Variants in ACTN2 observed in about 807,000 individuals in gnomAD.
The protein encoded by ACTN2 is actinin alpha 2, also known as alpha-actinin-2.
In ACTN2, 39 loss-of-function variants were observed where a neutral mutation model predicts 113.8. The observed-to-expected ratio is 0.34, with a 90% confidence interval of 0.27 to 0.45. The LOEUF (loss-of-function observed/expected upper bound fraction) is 0.45, where lower values mean the gene tolerates loss of function less well. Ranked by LOEUF, ACTN2 falls within the 20% of genes least tolerant of loss-of-function variation. The pLI, the probability that ACTN2 is intolerant of heterozygous loss-of-function variation, is 1.00. For synonymous variants in ACTN2, 429 were observed against 444.1 expected, an observed-to-expected ratio of 0.97 and a Z score of 0.43; for missense variants, 992 against 1,177.9, an observed-to-expected ratio of 0.84 and a Z score of 2.31.
rs950630667 is a variant in ACTN2 at position 236,763,811 on chromosome 1, A to G, written c.*1192A>G. On this transcript the variant is annotated 3_prime_UTR_variant, in exon 21 of 21. Transcript: ENST00000366578. ...CCTGCTCCATGACACAGGATGCTAC[A>G]TGCACTCCTGCTAGCACATCTTGAT... 1.3e-5 allele frequency: 2 copies of G among 152,246 alleles called. No individual in the cohort carries two copies. 9.4% of individuals were successfully genotyped at this position (152,246 alleles called of 1,614,324 possible). A position where few individuals can be genotyped will look rare whatever the true frequency, so the allele number is the denominator to read the frequency against.
chr1:236,751,144 G>A (rs536133861), intron 14 of ACTN2, among the ~76,000 whole-genome samples: 64 of 145,536 alleles, frequency 4.4e-4, no homozygotes, highest in East Asian at 6.0e-4. Flanking sequence ...AGTTCTGCTC[G>A]TCAGCAGAAA....
chr1:236,742,185 T>G (rs1042939332), intron 10 of ACTN2, among the ~76,000 whole-genome samples: 7 of 151,646 alleles, frequency 4.6e-5, no homozygotes, highest in Non-Finnish European at 8.8e-5. Flanking sequence ...TTGACCCTGC[T>G]TTTTTTTTCC....
At position 236,717,774 on chromosome 1, in the gene ACTN2, G is replaced by A. The variant is rs571894194; in HGVS notation, c.127-84G>A. 6.6e-5 allele frequency: 60 copies of A among 907,508 alleles called. No homozygotes were observed. The East Asian group carries it at 1.4e-3, about 21-fold the overall frequency. The allele number at this position is 907,508 out of a possible 1,614,324, so 56.2% of individuals were successfully genotyped here. Reference sequence around the variant, plus strand: ...CCCAGCCTTGTAGATTCCCAAGAACGTGTAAGGTGTCAAGTGTCGTCTGTG... The same window carrying A: ...CCCAGCCTTGTAGATTCCCAAGAACATGTAAGGTGTCAAGTGTCGTCTGTG... On this transcript the variant is annotated intron_variant, in intron 1 of 20. Coordinates refer to ENST00000366578, the MANE Select transcript of ACTN2 (RefSeq NM_001103.4).
chr1:236,702,495 G>A (rs756391027), intron 1 of ACTN2, among the ~76,000 whole-genome samples: 3 of 152,096 alleles, frequency 2.0e-5, no homozygotes, highest in East Asian at 1.9e-4. Context: ...ACATTTTGCC[G>A]AGTGCCTACT....
Position 236,686,635 on chromosome 1 carries a change from C to A in ACTN2, c.-39C>A. 6.5e-7 allele frequency: 1 copy of A among 1,531,010 alleles called. No individual in the cohort carries two copies. The highest frequency in any genetic ancestry group is 8.8e-7 in the Non-Finnish European group (1 of 1,138,588). 94.8% of individuals were successfully genotyped at this position (1,531,010 alleles called of 1,614,324 possible). On this transcript the variant is annotated 5_prime_UTR_variant, in exon 1 of 21. Coordinates refer to ENST00000366578, the MANE Select transcript of ACTN2 (RefSeq NM_001103.4). ...TTGCCAGTCAGCCCGTGCGTCCGAG[C>A]CCCTCGCGCCCCGCCGCAGCCCCGG...
intron 4 of ACTN2, among the ~76,000 whole-genome samples, chr1:236,721,262 G>A (rs918229573): frequency 3.3e-5 from 5 of 151,670 alleles, no homozygotes; most frequent in East Asian, 1.9e-4. Context: ...TCCTGAGCTC[G>A]TGATCCGCCC....
chr1:236,743,097 C>A, intron 11 of ACTN2, 54 bp downstream of exon 11: 1 of 1,603,046 alleles, frequency 6.2e-7, no homozygotes, highest in Non-Finnish European at 8.5e-7. Flanking sequence ...TGAGCCATGC[C>A]CAGAGCCATG....
chr1:236,726,725 T>G (rs955578034), intron 5 of ACTN2, among the ~76,000 whole-genome samples: 2 of 152,188 alleles, frequency 1.3e-5, no homozygotes, highest in African/African-American at 2.4e-5. Flanking sequence ...GTTCTTCTAG[T>G]TGAACAAATA....
intron 15 of ACTN2, 111 bp from the exon 16 acceptor site, chr1:236,753,836 T>C: frequency 9.3e-7 from 1 of 1,079,872 alleles, no homozygotes; most frequent in South Asian, 1.2e-5. Context: ...CCTCCCTTCG[T>C]TTCTCCTTCT....
In ACTN2 at chr1:236,742,957, TC is replaced by T; in HGVS notation, c.1170del (p.Asn391MetfsTer44). 6.2e-7 allele frequency: 1 copy of T among 1,614,026 alleles called. No individual in the cohort carries two copies. Among genetic ancestry groups the T allele is most frequent in the East Asian group, 2.2e-5 (1 of 44,886 alleles). ...QAEKGYEEWLLNEIRRLERLE... is the reference protein window; with the variant it reads ...QAEKGYEEWLXNEIRRLERLE... ...GAGAAGGGTTACGAGGAGTGGTTGC[TC>T]AATGAGATTCGGAGACTGGAGCGCT... On this transcript the variant is annotated frameshift_variant, in exon 11 of 21. Coordinates refer to ENST00000366578, the MANE Select transcript of ACTN2 (RefSeq NM_001103.4). LOFTEE classifies it high-confidence loss of function.
chr1:236,739,608 A>C (rs1659007362), intron 10 of ACTN2, 76 bp downstream of exon 10: 2 of 1,516,676 alleles, frequency 1.3e-6, no homozygotes, highest in African/African-American at 1.4e-5. Flanking sequence ...GACCTGGGTC[A>C]GGAGGAGGCA....
At chr1:236,744,517 C>T in intron 11 of ACTN2, 109 bp from the exon 12 acceptor site, 1 of 1,337,310 alleles carries the variant, frequency 7.5e-7, no homozygotes, top group Non-Finnish European at 1.1e-6. Context: ...CCCTCTCTGT[C>T]CCCTTCTCTT....
At chr1:236,724,345 C>T (rs1481567956) in intron 4 of ACTN2, among the ~76,000 whole-genome samples, 1 of 152,194 alleles carries the variant, frequency 6.6e-6, no homozygotes, top group Non-Finnish European at 1.5e-5. Flanking sequence ...GGGTCTAGGG[C>T]TTCAACATAT....
chr1:236,734,988 G>A (rs1399465941), intron 7 of ACTN2, among the ~76,000 whole-genome samples: 2 of 152,192 alleles, frequency 1.3e-5, no homozygotes, highest in African/African-American at 2.4e-5. Context: ...AGAAATAGTA[G>A]CGAGTCTTAA....
At chr1:236,730,463 G>A (rs752306068) in intron 6 of ACTN2, among the ~76,000 whole-genome samples, 23 of 152,000 alleles carry the variant, frequency 1.5e-4, no homozygotes, top group South Asian at 2.1e-4. Flanking sequence ...ATTAAAATTC[G>A]TTAAAGTCAC....
intron 1 of ACTN2, among the ~76,000 whole-genome samples, chr1:236,693,379 C>A (rs1202452238): frequency 6.6e-6 from 1 of 152,146 alleles, no homozygotes; most frequent in African/African-American, 2.4e-5. Flanking sequence ...CACCATGGCC[C>A]TTAAGGAGCT....
rs368659167 is a variant in ACTN2, at chr1:236,693,923, T to C, written c.126+7124T>C. Reference sequence around the variant, plus strand: ...GGCCAGGCCTGAACTAGCCCCATCGTCTGTTCATTCACCACCCCAGTATCC... The same window carrying C: ...GGCCAGGCCTGAACTAGCCCCATCGCCTGTTCATTCACCACCCCAGTATCC... On this transcript the variant is annotated intron_variant, in intron 1 of 20. Coordinates refer to ENST00000366578, the MANE Select transcript of ACTN2 (RefSeq NM_001103.4). 9.2e-5 allele frequency among the ~76,000 whole-genome samples: 14 copies of C among 152,348 alleles called. No individual in the cohort carries two copies. In the East Asian group the frequency reaches 1.5e-3, roughly 17 times the overall value.
At position 236,755,191 on chromosome 1, in the gene ACTN2, C is replaced by G. The variant is rs193922635; in HGVS notation, c.2147C>G (p.Thr716Arg). The change falls in exon 17 of 21, where the codon ACG becomes AGG. Residue 716 changes from threonine to arginine, a missense_variant. By Grantham distance (71) the Thr-to-Arg change is moderately conservative. Around this residue, in one of 3 missense-constraint regions of ACTN2, gnomAD observed 736 missense variants for 815.4 expected, o/e 0.90. Coordinates refer to ENST00000366578, the MANE Select transcript of ACTN2 (RefSeq NM_001103.4). ...TTTGACAACAAGCACACGAACTACA[C>G]GATGGAGGTACGGCAGCCAGACAGG... Reference protein sequence around the residue: ...LVFDNKHTNYTMEHIRVGWEL... With the variant: ...LVFDNKHTNYRMEHIRVGWEL... The G allele has an allele frequency of 6.2e-7, 1 of 1,614,152 alleles. No individual in the cohort carries two copies. The highest frequency in any genetic ancestry group is 1.1e-5 in the South Asian group (1 of 91,076).
At chr1:236,757,356 G>A (rs1659579455) in intron 17 of ACTN2, 130 bp from the exon 18 acceptor site, 1 of 1,192,144 alleles carries the variant, frequency 8.4e-7, no homozygotes, top group Non-Finnish European at 1.2e-6. Flanking sequence ...TTTTTTTCAA[G>A]TGTGGGGAAG....
Sources: gnomAD v4.1 joint callset for allele counts (sites outside exome capture counted in the v4.1 genomes callset) on GRCh38, gnomAD v4.1.1 for gene constraint, gnomAD v4.1.1 regional missense constraint, MANE v1.5 for transcripts, NCBI Gene and HGNC (gene_info 2026-07-23, HGNC 2026-07-21) for gene names.